Variants in KDM5A observed in about 807,000 individuals in gnomAD.
KDM5A encodes lysine-specific demethylase 5A.
KDM5A carries 42 observed loss-of-function variants against 193.5 expected under a neutral mutation model. The observed-to-expected ratio is 0.22, with a 90% confidence interval of 0.17 to 0.28. The LOEUF is 0.28. Ranked by LOEUF, KDM5A falls within the 10% of genes least tolerant of loss-of-function variation. The pLI is 1.00. For synonymous variants in KDM5A, 796 were observed against 718.1 expected, an observed-to-expected ratio of 1.11 and a Z score of -1.73; for missense variants, 1,692 against 2,055.1, an observed-to-expected ratio of 0.82 and a Z score of 3.42.
chr12:381,719 C>T (rs973386189), intron 3 of KDM5A, among the ~76,000 whole-genome samples: 11 of 152,086 alleles, frequency 7.2e-5, no homozygotes, highest in South Asian at 2.1e-4. Flanking sequence ...TGTATTTTAG[C>T]GTAAGACCGT....
At chr12:347,098 CA>C (rs1237617497) in intron 10 of KDM5A, among the ~76,000 whole-genome samples, 2 of 152,096 alleles carry the variant, frequency 1.3e-5, no homozygotes, top group Non-Finnish European at 2.9e-5. Context: ...GTGCAAAAAT[CA>C]CAAGCATTCT....
intron 4 of KDM5A, among the ~76,000 whole-genome samples, 192 bp downstream of exon 4, chr12:365,737 TAAATA>T (rs1259151878): frequency 6.6e-6 from 1 of 152,196 alleles, no homozygotes; most frequent in Non-Finnish European, 1.5e-5. Flanking sequence ...TTATTTTAAA[TAAATA>T]AGAAAACATT....
intron 10 of KDM5A, among the ~76,000 whole-genome samples, chr12:349,762 A>T (rs561707666): frequency 6.6e-6 from 1 of 151,664 alleles, no homozygotes; most frequent in Non-Finnish European, 1.5e-5. Context: ...GCTTCAGGCA[A>T]CCTTTCCACC....
intron 20 of KDM5A, 39 bp downstream of exon 20, chr12:313,017 C>T (rs1322609912): frequency 6.3e-7 from 1 of 1,595,894 alleles, no homozygotes; most frequent in Non-Finnish European, 8.6e-7. Flanking sequence ...ATGAAACAGG[C>T]ATTACCTGAT....
chr12:329,636 A>C (rs1385537981), intron 13 of KDM5A, among the ~76,000 whole-genome samples: 2 of 152,172 alleles, frequency 1.3e-5, no homozygotes. Context: ...GTCTGGCAGA[A>C]AGATAATTCA....
At chr12:310,798 G>T (rs1018746596) in intron 21 of KDM5A, 87 bp downstream of exon 21, 8 of 1,362,952 alleles carry the variant, frequency 5.9e-6, no homozygotes, top group Admixed American at 1.7e-5. Flanking sequence ...TTGTATAATG[G>T]TAATCAGATA....
intron 10 of KDM5A, among the ~76,000 whole-genome samples, chr12:343,502 A>T (rs1285998028): frequency 6.6e-6 from 1 of 152,188 alleles, no homozygotes; most frequent in Non-Finnish European, 1.5e-5. Flanking sequence ...AGACACCCCT[A>T]GTAGGGGCCA....
At chr12:316,102 G>C (rs1943648053) in intron 19 of KDM5A, among the ~76,000 whole-genome samples, 1 of 152,140 alleles carries the variant, frequency 6.6e-6, no homozygotes, top group Admixed American at 6.5e-5. Context: ...AGAAAATAAT[G>C]GTAAGTAGTT....
At position 318,319 on chromosome 12, in the gene KDM5A, T is replaced by C; in HGVS notation, c.2684A>G (p.Lys895Arg). 1 of 1,614,178 alleles carries C rather than the reference T, an allele frequency of 6.2e-7. No individual in the cohort carries two copies. The highest frequency in any genetic ancestry group is 8.5e-7 in the Non-Finnish European group (1 of 1,180,028). The stretch of plus-strand genomic sequence containing the variant: ...CCACCGAGCCTGTTGTAGCTCTTGC[T>C]TCAGTCGTGGTAATTCAGGGAGTTC... ...YVELPELPRLKQELQQARWLD... is the reference protein window; with the variant it reads ...YVELPELPRLRQELQQARWLD... Residue 895 changes from lysine (K) to arginine (R), a missense_variant, in exon 19 of 28, where the codon AAG becomes AGG. Coordinates refer to ENST00000399788, the MANE Select transcript of KDM5A (RefSeq NM_001042603.3).
At chr12:327,927 T>C (rs1033628470) in intron 14 of KDM5A, among the ~76,000 whole-genome samples, 4 of 151,276 alleles carry the variant, frequency 2.6e-5, no homozygotes, top group African/African-American at 4.9e-5. Flanking sequence ...GGTGGGAAGA[T>C]TGTTTGAGCC....
At chr12:295,875 T>G in intron 25 of KDM5A, 82 bp from the exon 26 acceptor site, 5 of 1,135,168 alleles carry the variant, frequency 4.4e-6, no homozygotes, top group Non-Finnish European at 6.6e-6. Context: ...ATATTGAGAC[T>G]AGCCCCCCAT....
At chr12:299,820 T>C (rs754449400) in intron 24 of KDM5A, among the ~76,000 whole-genome samples, 54 of 151,718 alleles carry the variant, frequency 3.6e-4, no homozygotes, top group Non-Finnish European at 6.5e-4. Context: ...AAGACGCACA[T>C]AGGCTCAAAA....
intron 10 of KDM5A, among the ~76,000 whole-genome samples, chr12:341,561 T>A (rs1193385701): frequency 1.3e-5 from 2 of 151,672 alleles, no homozygotes; most frequent in African/African-American, 4.8e-5. Flanking sequence ...AAAACCAGAA[T>A]AATTAGATTG....
Position 302,074 on chromosome 12 carries a change from TATC to T in KDM5A, c.4074+4869_4074+4871del, listed in dbSNP as rs1943448661. 7.9e-5 allele frequency among the ~76,000 whole-genome samples: 12 copies of T among 152,326 alleles called. 1 individual carries two copies. The South Asian group carries it at 2.5e-3, about 32-fold the overall frequency. ...CATGCTCATGGGTAGGAAGAATCAA[TATC>T]ATGAAAATGGCCATACTGCCCAAAG... On this transcript the variant is annotated intron_variant, in intron 24 of 27. Transcript: ENST00000399788.
chr12:334,200 TTA>T (rs1943896975), intron 11 of KDM5A, 39 bp downstream of exon 11: 1 of 1,532,878 alleles, frequency 6.5e-7, no homozygotes, highest in Non-Finnish European at 9.0e-7. Flanking sequence ...CCACTAGACT[TTA>T]GTAGAGTTCA....
intron 18 of KDM5A, among the ~76,000 whole-genome samples, chr12:319,170 A>C (rs1344039858): frequency 6.6e-6 from 1 of 152,152 alleles, no homozygotes; most frequent in African/African-American, 2.4e-5. Context: ...ACCACTGGAG[A>C]ATTTTTACCA....
At chr12:346,920 A>G (rs1036946867) in intron 10 of KDM5A, among the ~76,000 whole-genome samples, 4 of 152,320 alleles carry the variant, frequency 2.6e-5, no homozygotes, top group East Asian at 1.9e-4. Flanking sequence ...GGCCAGGGCA[A>G]TCAGGCAAGA....
In KDM5A at chr12:352,377, C is replaced by A. The variant is rs1389143434; in HGVS notation, c.1030-53G>T. On this transcript the variant is annotated intron_variant, in intron 8 of 27. Coordinates refer to ENST00000399788, the MANE Select transcript of KDM5A (RefSeq NM_001042603.3). ...CTTACTGAAACTAAACTGAAGAAAG[C>A]TTTAAGGCTCTTAGTTACTAAATTC... 8 of 1,503,908 alleles carry A rather than the reference C, an allele frequency of 5.3e-6. 1 individual carries two copies. In the African/African-American group the frequency reaches 6.9e-5, roughly 13 times the overall value. 93.2% of individuals were successfully genotyped at this position (1,503,908 alleles called of 1,614,324 possible). A position where few individuals can be genotyped will look rare whatever the true frequency, so the allele number is the denominator to read the frequency against.
Position 285,614 on chromosome 12 carries a change from C to T in KDM5A, c.4915G>A (p.Val1639Ile). The T allele has an allele frequency of 6.2e-7, 1 of 1,614,080 alleles. No individual in the cohort carries two copies. Among genetic ancestry groups the T allele is most frequent in the Admixed American group, 1.7e-5 (1 of 60,014 alleles). Residue 1639 changes from valine to isoleucine, a missense_variant, in exon 28 of 28, where the codon GTT (valine) becomes ATT (isoleucine). Physicochemically the swap from Val to Ile is conservative, Grantham distance 29. Around this residue, in one of 11 missense-constraint regions of KDM5A, gnomAD observed 23 missense variants for 61.5 expected, o/e 0.37. Coordinates refer to ENST00000399788, the MANE Select transcript of KDM5A (RefSeq NM_001042603.3). Reference protein sequence around the residue: ...DGGCDEWFHQVCVGVSPEMAE... With the variant: ...DGGCDEWFHQICVGVSPEMAE... ...ATTTCTGGAGATACACCCACACAAA[C>T]TTGATGAAACCACTCATCACAGCCA...
Sources: allele counts gnomAD v4.1 joint callset (sites outside exome capture counted in the v4.1 genomes callset), GRCh38; gene constraint gnomAD v4.1.1; regional missense constraint gnomAD v4.1.1; transcripts MANE v1.5; gene names NCBI Gene and HGNC (gene_info 2026-07-23, HGNC 2026-07-21).